ATP2B2: variants seen among roughly 807,000 people sequenced by gnomAD.
ATP2B2 encodes ATPase plasma membrane Ca2+ transporting 2.
In ATP2B2, 15 loss-of-function variants were observed where a neutral mutation model predicts 120.0. The ratio of observed to expected loss-of-function variants is 0.12; its 90% CI spans 0.08 to 0.19. The LOEUF is 0.19. Among genes scored for constraint, ATP2B2 ranks in the 10% least tolerant of loss-of-function variants. ATP2B2 has a pLI of 1.00. For synonymous variants in ATP2B2, 694 were observed against 700.3 expected (o/e 0.99, Z 0.14); for missense variants, 1,045 against 1,719.8 (o/e 0.61, Z 6.94).
chr3:10,404,485 T>G (rs2062341789), intron 3 of ATP2B2, among the ~76,000 whole-genome samples: 1 of 152,202 alleles, frequency 6.6e-6, no homozygotes, highest in African/African-American at 2.4e-5. Context: ...TGCTCTCTCA[T>G]AAGGTGGTTG....
At chr3:10,467,735 C>T (rs1228136004) in intron 1 of ATP2B2, among the ~76,000 whole-genome samples, 4 of 152,158 alleles carry the variant, frequency 2.6e-5, no homozygotes, top group Admixed American at 1.3e-4. Flanking sequence ...CCGGAGGAAA[C>T]GAGGTAACAT....
chr3:10,511,951 C>A (rs7629412), intron 3 of ATP2B2, among the ~76,000 whole-genome samples: 22,022 of 151,970 alleles, frequency 0.14, 2,861 homozygotes, highest in African/African-American at 0.34. Context: ...GGAAAGGGAG[C>A]GGGTGGGGAT....
chr3:10,449,578 G>T lies in ATP2B2; in HGVS notation c.-35C>A, dbSNP rs781195747. On this transcript the variant is annotated 5_prime_UTR_variant, in exon 2 of 23. Coordinates refer to ENST00000360273, the MANE Select transcript of ATP2B2 (RefSeq NM_001001331.4). ...GGTCCTTGCTCGGGCTGGGCCCAAG[G>T]GTCAGCGCTGGACAAGAGGCTGCCG... 3.7e-6 allele frequency: 6 copies of T among 1,613,110 alleles called. No homozygotes were observed.
chr3:10,591,012 A>G (rs573872005), intron 2 of ATP2B2, among the ~76,000 whole-genome samples: 13 of 152,000 alleles, frequency 8.6e-5, no homozygotes, highest in African/African-American at 2.7e-4. Context: ...ATGTGAGCTT[A>G]TAACTCCTGG....
intron 1 of ATP2B2, among the ~76,000 whole-genome samples, chr3:10,628,911 C>T (rs772656524): frequency 1.6e-4 from 24 of 152,160 alleles, no homozygotes; most frequent in Non-Finnish European, 2.2e-4. Flanking sequence ...AGTATATAAC[C>T]TTGTTTTAAG....
At chr3:10,519,154 A>G (rs1266086149) in intron 3 of ATP2B2, among the ~76,000 whole-genome samples, 3 of 152,242 alleles carry the variant, frequency 2.0e-5, no homozygotes, top group Non-Finnish European at 2.9e-5. Context: ...GCCCAAGGTC[A>G]AACACCTAGC....
intron 1 of ATP2B2, among the ~76,000 whole-genome samples, chr3:10,659,657 T>C (rs1447167859): frequency 2.0e-5 from 3 of 150,192 alleles, no homozygotes; most frequent in African/African-American, 7.3e-5. Context: ...GAGACTTTAA[T>C]ACCCCACTGT....
Position 10,382,197 on chromosome 3 carries a change from A to ATTT in ATP2B2, c.1001-2916_1001-2914dup, listed in dbSNP as rs58615119. Among the ~76,000 whole-genome samples, 180 of 122,298 alleles carry ATTT rather than the reference A, an allele frequency of 1.5e-3. 12 individuals carry two copies. The South Asian group carries it at 0.026, about 17-fold the overall frequency. The allele number at this position is 122,298 out of a possible 152,430, so 80.2% of individuals were successfully genotyped here. ...TGTGCCACTATACCCAGCTAATTAAATTTTTTTTTTTTTTTTTTTGTAGAG... is the reference window on the plus strand; with the variant it reads ...TGTGCCACTATACCCAGCTAATTAAATTTTTTTTTTTTTTTTTTTTTTGTAGAG... On this transcript the variant is annotated intron_variant, in intron 8 of 22. Transcript: ENST00000360273.
chr3:10,457,555 TGC>T (rs1397588354), intron 1 of ATP2B2, among the ~76,000 whole-genome samples: 18 of 54,220 alleles, frequency 3.3e-4, no homozygotes, highest in African/African-American at 5.4e-4. Context: ...AGCATGAGTG[TGC>T]GTGTGTGTGT....
intron 12 of ATP2B2, among the ~76,000 whole-genome samples, chr3:10,368,924 A>G (rs1209050055): frequency 6.6e-6 from 1 of 152,200 alleles, no homozygotes; most frequent in African/African-American, 2.4e-5. Flanking sequence ...CCATCCACCC[A>G]GCACTTCCCA....
At chr3:10,398,162 T>G (rs1046409599) in intron 5 of ATP2B2, among the ~76,000 whole-genome samples, 1 of 152,142 alleles carries the variant, frequency 6.6e-6, no homozygotes, top group African/African-American at 2.4e-5. Flanking sequence ...ATGGGAACAC[T>G]TTGCACATTG....
intron 2 of ATP2B2, among the ~76,000 whole-genome samples, chr3:10,559,328 G>A (rs764417281): frequency 1.3e-5 from 2 of 152,068 alleles, no homozygotes; most frequent in East Asian, 3.9e-4. Flanking sequence ...TAGCACTATC[G>A]GGTGAACATA....
At chr3:10,605,727 C>T (rs966908200) in intron 2 of ATP2B2, among the ~76,000 whole-genome samples, 1 of 151,706 alleles carries the variant, frequency 6.6e-6, no homozygotes, top group Non-Finnish European at 1.5e-5. Context: ...CGGCTCACTG[C>T]AACCTCCGCC....
At chr3:10,473,894 C>T (rs73119433) in intron 1 of ATP2B2, among the ~76,000 whole-genome samples, 2,035 of 152,282 alleles carry the variant, frequency 0.013, 56 homozygotes, top group African/African-American at 0.046. Context: ...GCTTTGAAGC[C>T]GCTGGGAACT....
At chr3:10,368,056 G>A (rs1038818443) in intron 12 of ATP2B2, among the ~76,000 whole-genome samples, 2 of 152,128 alleles carry the variant, frequency 1.3e-5, no homozygotes, top group African/African-American at 2.4e-5. Flanking sequence ...GGATTCTAAC[G>A]TCACTAACCC....
At chr3:10,663,527 T>C (rs9868844) in intron 1 of ATP2B2, among the ~76,000 whole-genome samples, 33,549 of 152,092 alleles carry the variant, frequency 0.22, 6,211 homozygotes, top group African/African-American at 0.5. Flanking sequence ...CAGGGACCCA[T>C]ACCCACCAGT....
chr3:10,705,116 G>T (rs993876448), intron 1 of ATP2B2, among the ~76,000 whole-genome samples: 2 of 152,116 alleles, frequency 1.3e-5, no homozygotes, highest in African/African-American at 4.8e-5. Flanking sequence ...GTATGGACTG[G>T]GTTATAGCAA....
At chr3:10,548,732 C>T (rs1037144618) in intron 2 of ATP2B2, among the ~76,000 whole-genome samples, 17 of 152,188 alleles carry the variant, frequency 1.1e-4, no homozygotes, top group Non-Finnish European at 1.2e-4. Context: ...GCACTTGAAT[C>T]GTCATCTTAT....
intron 3 of ATP2B2, among the ~76,000 whole-genome samples, chr3:10,518,780 GC>G (rs111637510): frequency 1.3e-5 from 2 of 152,292 alleles, no homozygotes; most frequent in African/African-American, 4.8e-5. Context: ...CCTGCCCCGG[GC>G]CCCGCTTTCA....
Sources: gnomAD v4.1 joint callset for allele counts (sites outside exome capture counted in the v4.1 genomes callset) on GRCh38, gnomAD v4.1.1 for gene constraint, MANE v1.5 for transcripts, NCBI Gene and HGNC (gene_info 2026-07-23, HGNC 2026-07-21) for gene names.